The following HNF1B variants were observed in gnomAD, a reference collection of about 807,000 sequenced individuals.
HNF1B encodes hepatocyte nuclear factor 1-beta.
Under a neutral mutation model 61.7 loss-of-function variants are expected in HNF1B, and 8 were observed. The observed-to-expected ratio is 0.13, with a 90% CI of 0.08 to 0.23. The LOEUF (loss-of-function observed/expected upper bound fraction) is 0.23. Ranked by LOEUF, HNF1B falls within the 10% of genes least tolerant of loss-of-function variation. HNF1B has a pLI of 1.00. For synonymous variants in HNF1B, 314 were observed against 287.7 expected (o/e 1.09, Z -0.93); for missense variants, 562 against 714.5 (o/e 0.79, Z 2.43).
chr17:37,720,425 G>T (rs1464819889), intron 4 of HNF1B, among the ~76,000 whole-genome samples: 1 of 152,044 alleles, frequency 6.6e-6, no homozygotes, highest in African/African-American at 2.4e-5. Context: ...ATTAATTTGT[G>T]AACTGTATAC....
At chr17:37,708,057 A>G (rs967894209) in intron 5 of HNF1B, among the ~76,000 whole-genome samples, 1 of 152,184 alleles carries the variant, frequency 6.6e-6, no homozygotes, top group Non-Finnish European at 1.5e-5. Flanking sequence ...AGGCATCATT[A>G]TCCCCCATTT....
chr17:37,742,149 TCAAA>T (rs147279699), intron 1 of HNF1B, among the ~76,000 whole-genome samples: 55 of 152,342 alleles, frequency 3.6e-4, no homozygotes, highest in African/African-American at 1.3e-3. Context: ...ACGCTCCTTC[TCAAA>T]CAATGACTTT....
intron 4 of HNF1B, among the ~76,000 whole-genome samples, chr17:37,716,153 A>G (rs1040249590): frequency 2.6e-5 from 4 of 152,190 alleles, no homozygotes. Context: ...CCATCTCAAA[A>G]CAAACAAAAT....
chr17:37,697,800 C>A (rs1223201083), intron 8 of HNF1B, among the ~76,000 whole-genome samples: 11 of 152,188 alleles, frequency 7.2e-5, no homozygotes, highest in African/African-American at 9.7e-5. Flanking sequence ...GTCCCACACA[C>A]CTCTCCCTCT....
At chr17:37,707,271 G>A (rs867197619) in intron 5 of HNF1B, among the ~76,000 whole-genome samples, 7 of 151,892 alleles carry the variant, frequency 4.6e-5, no homozygotes, top group Admixed American at 1.3e-4. Flanking sequence ...ATGCACCACC[G>A]TGCCCAGCTA....
chr17:37,715,926 G>A (rs556070279), intron 4 of HNF1B, among the ~76,000 whole-genome samples: 1 of 152,290 alleles, frequency 6.6e-6, no homozygotes, highest in South Asian at 2.1e-4. Flanking sequence ...GAGGTCAGGA[G>A]TTCGAGACTA....
intron 7 of HNF1B, 30 bp from the exon 8 acceptor site, chr17:37,699,224 G>A: frequency 6.4e-7 from 1 of 1,554,280 alleles, no homozygotes; most frequent in Non-Finnish European, 8.9e-7. Context: ...ACAGAATCAA[G>A]GTGCATACAC....
intron 8 of HNF1B, 89 bp from the exon 9 acceptor site, chr17:37,687,481 C>G: frequency 2.1e-6 from 2 of 959,408 alleles, no homozygotes; most frequent in Non-Finnish European, 1.7e-6. Context: ...GAGATGATGC[C>G]CAACTCAACC....
At chr17:37,709,231 TTTTA>T (rs1179022566) in intron 5 of HNF1B, among the ~76,000 whole-genome samples, 1 of 152,038 alleles carries the variant, frequency 6.6e-6, no homozygotes, top group African/African-American at 2.4e-5. Flanking sequence ...TAGAACCTAG[TTTTA>T]TTTATTTTAT....
At chr17:37,694,536 A>AGAAGACAG (rs2147429000) in intron 8 of HNF1B, among the ~76,000 whole-genome samples, 1 of 151,084 alleles carries the variant, frequency 6.6e-6, no homozygotes, top group South Asian at 2.1e-4. Flanking sequence ...GAGGAACAGA[A>AGAAGACAG]GAAGACAGGA....
chr17:37,726,396 T>C (rs537509362), intron 4 of HNF1B, among the ~76,000 whole-genome samples: 24 of 152,312 alleles, frequency 1.6e-4, no homozygotes, highest in African/African-American at 4.8e-4. Context: ...TCACATAAGA[T>C]GATGCATGGA....
chr17:37,711,302 T>A (rs1475135206), intron 4 of HNF1B, among the ~76,000 whole-genome samples: 1 of 152,208 alleles, frequency 6.6e-6, no homozygotes, highest in African/African-American at 2.4e-5. Context: ...AGAACTCACA[T>A]TCCTTTGCTG....
intron 8 of HNF1B, among the ~76,000 whole-genome samples, chr17:37,695,135 G>A (rs1040134585): frequency 1.3e-5 from 2 of 152,206 alleles, no homozygotes; most frequent in Non-Finnish European, 2.9e-5. Context: ...TATGGTTTTG[G>A]GGGCCAGACC....
chr17:37,716,242 G>A (rs764295934), intron 4 of HNF1B, among the ~76,000 whole-genome samples: 1 of 152,206 alleles, frequency 6.6e-6, no homozygotes, highest in Non-Finnish European at 1.5e-5. Context: ...CTGTCACCTA[G>A]TCTGGAGTAC....
chr17:37,695,483 C>A (rs2032354247), intron 8 of HNF1B, among the ~76,000 whole-genome samples: 1 of 152,232 alleles, frequency 6.6e-6, no homozygotes, highest in South Asian at 2.1e-4. Flanking sequence ...ACCCGCCCCA[C>A]ACACAGAGTC....
At chr17:37,691,258 CAGTG>C (rs2032192986) in intron 8 of HNF1B, among the ~76,000 whole-genome samples, 1 of 152,144 alleles carries the variant, frequency 6.6e-6, no homozygotes, top group African/African-American at 2.4e-5. Flanking sequence ...GAAGTGGAGA[CAGTG>C]AGGACAGATA....
At position 37,743,374 on chromosome 17, in the gene HNF1B, G is replaced by C. The variant is rs184024066; in HGVS notation, c.344+1167C>G. Among the ~76,000 whole-genome samples, 52 of 152,368 alleles carry C rather than the reference G, an allele frequency of 3.4e-4. 1 individual carries two copies. The highest frequency in any genetic ancestry group is 1.2e-3 in the African/African-American group (50 of 41,598). ...GGTAGGGGAGAAATCACCTCCGGGCGGGAGAGCGACGAGGGAAGAACCTCA... is the reference window on the plus strand; with the variant it reads ...GGTAGGGGAGAAATCACCTCCGGGCCGGAGAGCGACGAGGGAAGAACCTCA... On this transcript the variant is annotated intron_variant, in intron 1 of 8. Transcript: ENST00000617811.
At chr17:37,716,251 A>G (rs1312177617) in intron 4 of HNF1B, among the ~76,000 whole-genome samples, 3 of 152,188 alleles carry the variant, frequency 2.0e-5, no homozygotes, top group Non-Finnish European at 1.5e-5. Flanking sequence ...AGTCTGGAGT[A>G]CAGTGGCGTA....
intron 8 of HNF1B, among the ~76,000 whole-genome samples, chr17:37,691,056 C>G (rs2032184768): frequency 6.6e-6 from 1 of 152,134 alleles, no homozygotes; most frequent in South Asian, 2.1e-4. Context: ...TGGCCAGTGC[C>G]GTAGAAGAAC....
Sources: gnomAD v4.1 joint callset for allele counts (sites outside exome capture counted in the v4.1 genomes callset) on GRCh38, gnomAD v4.1.1 for gene constraint, MANE v1.5 for transcripts, NCBI Gene and HGNC (gene_info 2026-07-23, HGNC 2026-07-21) for gene names.